DOCK5: variants seen among roughly 807,000 people sequenced by gnomAD.
The protein encoded by DOCK5 is dedicator of cytokinesis protein 5.
DOCK5 carries 142 observed loss-of-function variants against 251.8 expected under a neutral mutation model. That is an observed-to-expected ratio of 0.56 (90% CI 0.49 to 0.65). DOCK5 has a LOEUF of 0.65. Among genes scored for constraint, DOCK5 ranks in the 30% least tolerant of loss-of-function variants. The pLI, the probability that DOCK5 is intolerant of heterozygous loss-of-function variation, is 0.00. For synonymous variants in DOCK5, 842 were observed against 835.5 expected (o/e 1.01, Z -0.13); for missense variants, 2,111 against 2,312.3 (o/e 0.91, Z 1.79).
At chr8:25,257,677 G>T (rs1043675132) in intron 2 of DOCK5, among the ~76,000 whole-genome samples, 1 of 152,106 alleles carries the variant, frequency 6.6e-6, no homozygotes, top group African/African-American at 2.4e-5. Flanking sequence ...TGTCCTGGAG[G>T]GAGATCAGGG....
intron 14 of DOCK5, among the ~76,000 whole-genome samples, chr8:25,317,871 A>G (rs1805300802): frequency 6.6e-6 from 1 of 152,068 alleles, no homozygotes; most frequent in Non-Finnish European, 1.5e-5. Context: ...TTGGCCTCCC[A>G]GAGTGCTGGG....
In DOCK5 at chr8:25,292,037, C is replaced by T; in HGVS notation, c.335C>T (p.Thr112Ile). ...WRKLYVNNKL[T>I]LFRQLQQMTY... is the part of the protein sequence containing the mutation. ...TTCTCATCTTAGAACAACAAGCTCACCCTCTTCCGCCAGCTGCAGCAGATG... is the reference window on the plus strand; with the variant it reads ...TTCTCATCTTAGAACAACAAGCTCATCCTCTTCCGCCAGCTGCAGCAGATG... The change falls in exon 6 of 52, where the codon ACC (threonine) becomes ATC (isoleucine). Residue 112 changes from threonine (T) to isoleucine (I), a missense_variant. Physicochemically the swap from Thr to Ile is moderately conservative, Grantham distance 89. Coordinates refer to ENST00000276440, the MANE Select transcript of DOCK5 (RefSeq NM_024940.8). The T allele has an allele frequency of 1.3e-6, 2 of 1,597,586 alleles. No individual in the cohort carries two copies. The highest frequency in any genetic ancestry group is 1.1e-5 in the South Asian group (1 of 87,972).
Position 25,377,286 on chromosome 8 carries a change from C to A in DOCK5, c.3817-19C>A. On this transcript the variant is annotated intron_variant, in intron 37 of 51. Coordinates refer to ENST00000276440, the MANE Select transcript of DOCK5 (RefSeq NM_024940.8). ...AATATTTGTTGTATTAACCGTGTGT[C>A]GCTTTTCTTCCTTTTCAGTGGTCTG... The A allele has an allele frequency of 6.3e-7, 1 of 1,599,832 alleles. No homozygotes were observed. Among genetic ancestry groups the A allele is most frequent in the Non-Finnish European group, 8.5e-7 (1 of 1,173,776 alleles).
intron 1 of DOCK5, among the ~76,000 whole-genome samples, chr8:25,228,428 T>C (rs1220112032): frequency 6.6e-6 from 1 of 152,216 alleles, no homozygotes; most frequent in African/African-American, 2.4e-5. Flanking sequence ...GTGACTTTGA[T>C]TGAAGTGGCA....
At position 25,300,622 on chromosome 8, in the gene DOCK5, A is replaced by G. The variant is rs1804738528; in HGVS notation, c.811A>G (p.Ile271Val). The G allele has an allele frequency of 2.5e-6, 4 of 1,613,520 alleles. No homozygotes were observed. Among genetic ancestry groups the G allele is most frequent in the Non-Finnish European group, 2.5e-6 (3 of 1,179,716 alleles). The change falls in exon 9 of 52, where the codon ATA (isoleucine) becomes GTA (valine). Residue 271 changes from isoleucine (I) to valine (V), a missense_variant. Around this residue, in one of 3 missense-constraint regions of DOCK5, gnomAD observed 59 missense variants for 95.0 expected, o/e 0.62. Coordinates refer to ENST00000276440, the MANE Select transcript of DOCK5 (RefSeq NM_024940.8). ...RWGSNGMPKE[I>V]EKLNNLQAVF... ...GGGCAGTAACGGGATGCCCAAGGAA[A>G]TAGAGAAGCTCAATAACCTCCAAGC...
rs1403111762 is a variant in DOCK5, at chr8:25,389,241, T to TC, written c.4273+11dup. 11 of 1,611,478 alleles carry TC rather than the reference T, an allele frequency of 6.8e-6. No homozygotes were observed. Among genetic ancestry groups the TC allele is most frequent in the Non-Finnish European group, 9.3e-6 (11 of 1,178,118 alleles). On this transcript the variant is annotated intron_variant, in intron 41 of 51. Coordinates refer to ENST00000276440, the MANE Select transcript of DOCK5 (RefSeq NM_024940.8). ...GTCGTCCCCCAAGCAGTGTATCCTT[T>TC]CCGGGGGGAGTATGGCCCCGAGGCT...
chr8:25,310,907 G>T (rs1422983729), intron 13 of DOCK5, among the ~76,000 whole-genome samples: 1 of 151,996 alleles, frequency 6.6e-6, no homozygotes, highest in Non-Finnish European at 1.5e-5. Flanking sequence ...TCTCTTTTAC[G>T]CAGACTCTCT....
intron 1 of DOCK5, among the ~76,000 whole-genome samples, chr8:25,195,108 A>G (rs889253320): frequency 1.3e-5 from 2 of 151,914 alleles, no homozygotes; most frequent in Admixed American, 1.3e-4. Context: ...TTTAGTAGAC[A>G]TGGCATTTCA....
intron 39 of DOCK5, among the ~76,000 whole-genome samples, chr8:25,381,696 G>A (rs1801070685): frequency 6.6e-6 from 1 of 152,102 alleles, no homozygotes; most frequent in Admixed American, 6.5e-5. Context: ...TTACATACCG[G>A]TCTAAGAAAA....
intron 2 of DOCK5, among the ~76,000 whole-genome samples, chr8:25,246,219 G>A (rs1166581114): frequency 6.6e-6 from 1 of 152,158 alleles, no homozygotes; most frequent in Non-Finnish European, 1.5e-5. Flanking sequence ...AAGGCCATCA[G>A]AAATGCTGCT....
intron 1 of DOCK5, among the ~76,000 whole-genome samples, chr8:25,193,819 C>G (rs907642158): frequency 6.6e-6 from 1 of 152,020 alleles, no homozygotes; most frequent in Non-Finnish European, 1.5e-5. Context: ...CTGAAAAAGA[C>G]ACTTGTTTAC....
chr8:25,253,331 A>C (rs151333831), intron 2 of DOCK5, among the ~76,000 whole-genome samples: 24 of 152,078 alleles, frequency 1.6e-4, no homozygotes, highest in African/African-American at 5.5e-4. Context: ...ACTCTGGAGG[A>C]ATATTCCCAG....
At chr8:25,291,957 G>A in intron 5 of DOCK5, 67 bp from the exon 6 acceptor site, 19 of 1,383,184 alleles carry the variant, frequency 1.4e-5, no homozygotes, top group South Asian at 9.4e-5. Flanking sequence ...AATAAAAAAA[G>A]GATGTTCCCA....
In DOCK5 at chr8:25,395,689, C is replaced by G. The variant is rs148376172; in HGVS notation, c.4674C>G (p.Ala1558=). ...SMLLSGIVDP[A]VMGGFSNYEK... The stretch of plus-strand genomic sequence containing the variant: ...TGCTCAGTGGCATCGTGGACCCGGC[C>G]GTCATGGGGGGCTTCTCCAACTATG... Residue 1558 remains alanine, a synonymous_variant, in exon 45 of 52, where the codon GCC becomes GCG. Coordinates refer to ENST00000276440, the MANE Select transcript of DOCK5 (RefSeq NM_024940.8). 1 of 1,613,776 alleles carries G rather than the reference C, an allele frequency of 6.2e-7. No homozygotes were observed. Among genetic ancestry groups the G allele is most frequent in the South Asian group, 1.1e-5 (1 of 91,068 alleles).
At chr8:25,370,452 C>T (rs188300929) in intron 34 of DOCK5, among the ~76,000 whole-genome samples, 32 of 152,262 alleles carry the variant, frequency 2.1e-4, no homozygotes, top group Admixed American at 1.6e-3. Context: ...GAGTTCATGA[C>T]TAATAAATAT....
intron 42 of DOCK5, among the ~76,000 whole-genome samples, chr8:25,391,024 G>A (rs141857398): frequency 1.1e-3 from 164 of 152,052 alleles, no homozygotes; most frequent in African/African-American, 3.7e-3. Flanking sequence ...GCCCAGGCTG[G>A]TCTCAAACTC....
chr8:25,343,844 C>T (rs745986543), intron 25 of DOCK5, among the ~76,000 whole-genome samples: 1 of 152,304 alleles, frequency 6.6e-6, no homozygotes, highest in East Asian at 1.9e-4. Context: ...CTCACTCTTT[C>T]GCCCAGGCTG....
chr8:25,331,230 G>C (rs1586335053), intron 18 of DOCK5, among the ~76,000 whole-genome samples: 2 of 140,262 alleles, frequency 1.4e-5, no homozygotes, highest in Non-Finnish European at 3.1e-5. Flanking sequence ...GTTTCTCTGT[G>C]ACACACACAC....
intron 34 of DOCK5, among the ~76,000 whole-genome samples, chr8:25,370,598 G>A (rs1800856049): frequency 6.6e-6 from 1 of 151,804 alleles, no homozygotes; most frequent in South Asian, 2.1e-4. Context: ...TTGAACTCCT[G>A]GGCTCAAGCA....
Sources: allele counts gnomAD v4.1 joint callset (sites outside exome capture counted in the v4.1 genomes callset), GRCh38; gene constraint gnomAD v4.1.1; regional missense constraint gnomAD v4.1.1; transcripts MANE v1.5; gene names NCBI Gene and HGNC (gene_info 2026-07-23, HGNC 2026-07-21).